The following INO80 variants were observed in gnomAD, a reference collection of about 807,000 sequenced individuals.
INO80 encodes the protein chromatin-remodeling ATPase INO80.
In INO80, 20 loss-of-function variants were observed where a neutral mutation model predicts 203.4. That is an observed-to-expected ratio of 0.10 (90% CI 0.07 to 0.14). INO80 has a LOEUF of 0.14. INO80 is among the 10% of genes least tolerant of loss of function. The pLI, the probability that INO80 is intolerant of heterozygous loss-of-function variation, is 1.00. For missense variants in INO80, 1,419 were observed against 1,914.4 expected, an observed-to-expected ratio of 0.74 and a Z score of 4.83; for synonymous variants, 726 against 685.2, an observed-to-expected ratio of 1.06 and a Z score of -0.93.
intron 19 of INO80, 57 bp from the exon 20 acceptor site, chr15:41,050,159 A>G (rs1014794529): frequency 7.0e-6 from 9 of 1,281,012 alleles, no homozygotes; most frequent in East Asian, 2.4e-5. Flanking sequence ...AAAATTCAGC[A>G]TCAGCTTAAA....
chr15:40,984,166 C>G (rs376477880), intron 33 of INO80, 31 bp downstream of exon 33: 111 of 1,608,684 alleles, frequency 6.9e-5, no homozygotes, highest in Middle Eastern at 5.0e-4. Flanking sequence ...CTCCTTACGG[C>G]TGTGATGCAG....
At chr15:41,030,551 G>T (rs1329536216) in intron 24 of INO80, among the ~76,000 whole-genome samples, 4 of 152,050 alleles carry the variant, frequency 2.6e-5, no homozygotes, top group Non-Finnish European at 4.4e-5. Flanking sequence ...TAGTAGTGAT[G>T]GGGTTTCACC....
At chr15:41,015,213 A>G (rs2044185595) in intron 27 of INO80, among the ~76,000 whole-genome samples, 1 of 152,166 alleles carries the variant, frequency 6.6e-6, no homozygotes, top group South Asian at 2.1e-4. Context: ...CTTTTCCACT[A>G]ACTTAGTAGC....
intron 16 of INO80, among the ~76,000 whole-genome samples, chr15:41,057,153 TG>T (rs1466784131): frequency 3.3e-5 from 5 of 152,180 alleles, no homozygotes; most frequent in African/African-American, 1.2e-4. Context: ...TCATTGCTCC[TG>T]GCCAAAGGCA....
chr15:41,056,805 T>A, intron 16 of INO80, 99 bp from the exon 17 acceptor site: 1 of 905,516 alleles, frequency 1.1e-6, no homozygotes, highest in South Asian at 1.4e-5. Flanking sequence ...TCCAAAAAAC[T>A]AACATTCAGA....
Position 41,071,818 on chromosome 15 carries a change from T to C in INO80, c.1605+31A>G, listed in dbSNP as rs377059046. ...CAAATGACTTTAGGAAAAGAGATAA[T>C]AGAAGAGAATGACACGGTTCTAAAA... On this transcript the variant is annotated intron_variant, in intron 12 of 35. Coordinates refer to ENST00000648947, the MANE Select transcript of INO80 (RefSeq NM_017553.3). 1,751 of 1,530,538 alleles carry C rather than the reference T, an allele frequency of 1.1e-3. 1 individual carries two copies. The highest frequency in any genetic ancestry group is 1.3e-3 in the Non-Finnish European group (1,489 of 1,105,486). 94.8% of individuals were successfully genotyped at this position (1,530,538 alleles called of 1,614,324 possible). A position where few individuals can be genotyped will look rare whatever the true frequency, so the allele number is the denominator to read the frequency against.
chr15:41,049,904 A>G lies in INO80; in HGVS notation c.2442+31T>C. On this transcript the variant is annotated intron_variant, in intron 20 of 35. Transcript: ENST00000648947. The stretch of plus-strand genomic sequence containing the variant: ...ATTCTATCTCAAAAAACAAAAAACA[A>G]AACTTCAAGGGAACTGACGTAAGCT... 5 of 1,575,480 alleles carry G rather than the reference A, an allele frequency of 3.2e-6. No homozygotes were observed. In the South Asian group the frequency reaches 5.7e-5, roughly 18 times the overall value.
At chr15:41,058,922 C>T in intron 15 of INO80, 141 bp from the exon 16 acceptor site, 3 of 750,154 alleles carry the variant, frequency 4.0e-6, no homozygotes, top group South Asian at 1.9e-5. Flanking sequence ...GGGAGATGTG[C>T]AGTGAAGTGA....
chr15:40,980,343 A>AG lies in INO80; in HGVS notation c.4550dup (p.Leu1518PhefsTer6). 6.2e-7 allele frequency: 1 copy of AG among 1,614,056 alleles called. No individual in the cohort carries two copies. The highest frequency in any genetic ancestry group is 8.5e-7 in the Non-Finnish European group (1 of 1,180,020). ...CAGGAACATTATTTCCCTTGCTCAA[A>AG]GGGGAACTCAAAGGAGAAGAGGCGC... On this transcript the variant is annotated frameshift_variant, in exon 36 of 36. Transcript: ENST00000648947. LOFTEE classifies it high-confidence loss of function.
intron 9 of INO80, among the ~76,000 whole-genome samples, chr15:41,077,108 C>T (rs922767031): frequency 2.0e-5 from 3 of 151,862 alleles, no homozygotes; most frequent in African/African-American, 7.3e-5. Flanking sequence ...GGGGTTTCAC[C>T]GTGTTAGCCA....
At chr15:41,011,065 T>TC (rs2044127838) in intron 27 of INO80, among the ~76,000 whole-genome samples, 1 of 152,216 alleles carries the variant, frequency 6.6e-6, no homozygotes, top group African/African-American at 2.4e-5. Flanking sequence ...CCCAAAATAA[T>TC]CTGACTTCAA....
Position 41,040,669 on chromosome 15 carries a change from G to A in INO80, c.2907+4235C>T, listed in dbSNP as rs116848719. On this transcript the variant is annotated intron_variant, in intron 24 of 35. Transcript: ENST00000648947. Reference sequence around the variant, plus strand: ...GGAGGATTGTTTGAGGCCAGAGTTCGAGGCCGGCCTGAACAACACAGCAAA... The same window carrying A: ...GGAGGATTGTTTGAGGCCAGAGTTCAAGGCCGGCCTGAACAACACAGCAAA... Among the ~76,000 whole-genome samples the A allele has an allele frequency of 3.5e-3, 527 of 152,070 alleles. 4 individuals carry two copies. The highest frequency in any genetic ancestry group is 5.5e-3 in the Admixed American group (84 of 15,268).
chr15:41,015,235 G>C (rs2044185952), intron 27 of INO80, among the ~76,000 whole-genome samples: 1 of 152,192 alleles, frequency 6.6e-6, no homozygotes, highest in South Asian at 2.1e-4. Flanking sequence ...GTCAAGCCTG[G>C]TTGCATATTA....
Position 41,096,372 on chromosome 15 carries a change from A to C in INO80, c.-43-19T>G. ...TGCACGGCTGCAGAACAGAGATAAGAAGTGAAAGATGAAATTACTATCCAT... is the reference window on the plus strand; with the variant it reads ...TGCACGGCTGCAGAACAGAGATAAGCAGTGAAAGATGAAATTACTATCCAT... On this transcript the variant is annotated intron_variant, in intron 1 of 35. Transcript: ENST00000648947. 1 of 1,465,946 alleles carries C rather than the reference A, an allele frequency of 6.8e-7. No individual in the cohort carries two copies. Among genetic ancestry groups the C allele is most frequent in the South Asian group, 1.4e-5 (1 of 69,348 alleles). 90.8% of individuals were successfully genotyped at this position (1,465,946 alleles called of 1,614,324 possible). A position where few individuals can be genotyped will look rare whatever the true frequency, so the allele number is the denominator to read the frequency against.
chr15:41,003,339 T>C (rs556199903), intron 28 of INO80, among the ~76,000 whole-genome samples: 11,032 of 130,886 alleles, frequency 0.084, 1,529 homozygotes, highest in African/African-American at 0.26. Context: ...CTTTTCTTTT[T>C]TTTTTTTTTG....
chr15:41,072,873 C>A (rs1478266944), intron 11 of INO80, among the ~76,000 whole-genome samples: 1 of 151,548 alleles, frequency 6.6e-6, no homozygotes. Flanking sequence ...CTCCGCCTAC[C>A]GGGTTCACGT....
intron 18 of INO80, among the ~76,000 whole-genome samples, chr15:41,054,326 C>A (rs1342978534): frequency 1.3e-5 from 2 of 152,028 alleles, no homozygotes; most frequent in Non-Finnish European, 2.9e-5. Flanking sequence ...TCAGTGTTCC[C>A]CAAAAATTAC....
intron 19 of INO80, among the ~76,000 whole-genome samples, chr15:41,051,323 T>C (rs2044867325): frequency 6.6e-6 from 1 of 151,774 alleles, no homozygotes; most frequent in African/African-American, 2.4e-5. Context: ...CACCATATTT[T>C]CCTAGTAAAT....
At chr15:41,046,076 G>C (rs1228125648) in intron 23 of INO80, among the ~76,000 whole-genome samples, 4 of 151,080 alleles carry the variant, frequency 2.6e-5, no homozygotes, top group Non-Finnish European at 5.9e-5. Flanking sequence ...GCCTCCGTTT[G>C]CCCTGTAGAA....
Sources: allele counts gnomAD v4.1 joint callset (sites outside exome capture counted in the v4.1 genomes callset), GRCh38; gene constraint gnomAD v4.1.1; transcripts MANE v1.5; gene names NCBI Gene and HGNC (gene_info 2026-07-23, HGNC 2026-07-21).